TBC1D31: variants seen among roughly 807,000 people sequenced by gnomAD.
TBC1D31 encodes WD repeat domain 67.
TBC1D31 carries 99 observed loss-of-function variants against 132.9 expected under a neutral mutation model. The ratio of observed to expected loss-of-function variants is 0.74; its 90% CI spans 0.63 to 0.88. The LOEUF (loss-of-function observed/expected upper bound fraction) is 0.88, where lower values mean the gene tolerates loss of function less well. TBC1D31 is among the 40% of genes least tolerant of loss of function. TBC1D31 has a pLI of 0.00. For synonymous variants in TBC1D31, 385 were observed against 419.4 expected (o/e 0.92, Z 1.00); for missense variants, 1,134 against 1,256.6 (o/e 0.90, Z 1.48).
intron 16 of TBC1D31, among the ~76,000 whole-genome samples, chr8:123,132,521 C>T (rs914340583): frequency 7.5e-6 from 1 of 133,874 alleles, no homozygotes; most frequent in Middle Eastern, 4.1e-3. Flanking sequence ...TCAAGCAATT[C>T]TCATGCCTCA....
intron 13 of TBC1D31, 121 bp downstream of exon 13, chr8:123,126,808 C>G: frequency 1.2e-6 from 1 of 810,916 alleles, no homozygotes; most frequent in Non-Finnish European, 1.8e-6. Context: ...ATGGCGCGAT[C>G]TCAGCTCACT....
intron 8 of TBC1D31, among the ~76,000 whole-genome samples, chr8:123,106,999 G>A (rs1817991881): frequency 6.6e-6 from 1 of 152,164 alleles, no homozygotes; most frequent in Non-Finnish European, 1.5e-5. Context: ...TTGTCTACCA[G>A]GGAAATTTAT....
chr8:123,139,198 TG>T (rs1821396168), intron 17 of TBC1D31, among the ~76,000 whole-genome samples: 1 of 152,010 alleles, frequency 6.6e-6, no homozygotes, highest in Non-Finnish European at 1.5e-5. Flanking sequence ...CAACTTATGA[TG>T]GGGTTATGTC....
the TBC1D31 span, among the ~76,000 whole-genome samples, chr8:123,160,449 G>T: frequency 9.1e-6 from 1 of 109,586 alleles, no homozygotes; most frequent in Non-Finnish European, 1.9e-5. Flanking sequence ...AAGGGAAGTT[G>T]GGGAGGAGAA....
At chr8:123,146,427 C>A (rs1822217235) in intron 20 of TBC1D31, among the ~76,000 whole-genome samples, 1 of 152,134 alleles carries the variant, frequency 6.6e-6, no homozygotes, top group Non-Finnish European at 1.5e-5. Flanking sequence ...AATATATGGT[C>A]TTCTGTGTCT....
At chr8:123,095,003 G>A (rs62521772) in intron 5 of TBC1D31, among the ~76,000 whole-genome samples, 19,554 of 151,898 alleles carry the variant, frequency 0.13, 1,419 homozygotes, top group African/African-American at 0.17. Context: ...TGATATATTC[G>A]TCTTTTTTTT....
In TBC1D31 at chr8:123,121,181, C is replaced by T. The variant is rs571747280; in HGVS notation, c.1570+993C>T. Among the ~76,000 whole-genome samples, 6 of 148,556 alleles carry T rather than the reference C, an allele frequency of 4.0e-5. No individual in the cohort carries two copies. In the South Asian group the frequency reaches 1.2e-3, roughly 31 times the overall value. ...CCACATTGGCCAGGCTGGTCTCGAA[C>T]TCCTGACCCCAAGTGATCCGCCCAC... On this transcript the variant is annotated intron_variant, in intron 11 of 21. Transcript: ENST00000287380.
At chr8:123,144,379 T>C (rs1346348694) in intron 19 of TBC1D31, among the ~76,000 whole-genome samples, 1 of 152,344 alleles carries the variant, frequency 6.6e-6, no homozygotes, top group South Asian at 2.1e-4. Context: ...TTAAATAAAA[T>C]GCAATTGCCA....
At chr8:123,087,899 A>G (rs556723961) in intron 4 of TBC1D31, among the ~76,000 whole-genome samples, 1 of 152,340 alleles carries the variant, frequency 6.6e-6, no homozygotes, top group South Asian at 2.1e-4. Context: ...ATAATAAAAC[A>G]GGACCGGGTA....
At chr8:123,082,340 TG>T (rs1250911458) in intron 2 of TBC1D31, among the ~76,000 whole-genome samples, 1 of 152,024 alleles carries the variant, frequency 6.6e-6, no homozygotes, top group Non-Finnish European at 1.5e-5. Flanking sequence ...AACCTCTGCT[TG>T]GCTTCTGAAA....
intron 1 of TBC1D31, chr8:123,073,533 T>C (rs1814148971): frequency 2.7e-6 from 1 of 376,736 alleles, no homozygotes; most frequent in Non-Finnish European, 5.2e-6. Context: ...TGTTTGAGGC[T>C]CAGCCTGTCT....
intron 7 of TBC1D31, chr8:123,103,930 G>A (rs1169200692): frequency 6.6e-6 from 1 of 152,048 alleles, no homozygotes; most frequent in African/African-American, 2.4e-5. Flanking sequence ...CTACATTAAT[G>A]TTCAATTCTA....
chr8:123,087,804 A>T (rs1815917197), intron 4 of TBC1D31, among the ~76,000 whole-genome samples: 1 of 152,192 alleles, frequency 6.6e-6, no homozygotes, highest in South Asian at 2.1e-4. Context: ...GTGCCTAAGT[A>T]TATTAATGTT....
chr8:123,152,458 G>A (rs1171430330), downstream of TBC1D31, among the ~76,000 whole-genome samples: 2 of 152,078 alleles, frequency 1.3e-5, no homozygotes, highest in Non-Finnish European at 2.9e-5. Flanking sequence ...GCTTCTTCTG[G>A]CAGCACCGAC....
chr8:123,119,475 C>T (rs1819264756), intron 10 of TBC1D31, among the ~76,000 whole-genome samples: 1 of 152,182 alleles, frequency 6.6e-6, no homozygotes, highest in African/African-American at 2.4e-5. Flanking sequence ...CTTTGGGAAG[C>T]TGAGGCGGGA....
intron 2 of TBC1D31, among the ~76,000 whole-genome samples, chr8:123,079,590 T>G (rs1001512370): frequency 1.5e-5 from 2 of 136,034 alleles, no homozygotes; most frequent in South Asian, 2.2e-4. Context: ...AATTGTTGAT[T>G]GATTTCATGA....
downstream of TBC1D31, among the ~76,000 whole-genome samples, chr8:123,156,443 A>C (rs1440744220): frequency 7.2e-6 from 1 of 139,562 alleles, no homozygotes; most frequent in Non-Finnish European, 1.5e-5. Context: ...CCTGTCTCAA[A>C]AAAAAAAAAA....
In TBC1D31 at chr8:123,105,313, T is replaced by A; in HGVS notation, c.1058T>A (p.Ile353Asn). Reference sequence around the variant, plus strand: ...CCACCTCCGCCTTTAGTGAAAGTTATTGAAGATTTGCCCAAGAATAAACTG... The same window carrying A: ...CCACCTCCGCCTTTAGTGAAAGTTAATGAAGATTTGCCCAAGAATAAACTG... ...NKPPPPLVKV[I>N]EDLPKNKLSS... Residue 353 changes from isoleucine (I) to asparagine (N), a missense_variant, in exon 8 of 22, where the codon ATT becomes AAT. Physicochemically the swap from Ile to Asn is moderately radical, Grantham distance 149 (BLOSUM62 -3). Coordinates refer to ENST00000287380, the MANE Select transcript of TBC1D31 (RefSeq NM_145647.4). 1 of 1,580,762 alleles carries A rather than the reference T, an allele frequency of 6.3e-7. No homozygotes were observed. Among genetic ancestry groups the A allele is most frequent in the Non-Finnish European group, 8.6e-7 (1 of 1,162,712 alleles).
intron 14 of TBC1D31, 145 bp downstream of exon 14, chr8:123,128,658 C>T: frequency 1.6e-6 from 1 of 630,502 alleles, no homozygotes; most frequent in Non-Finnish European, 2.7e-6. Context: ...AGGTAGATCA[C>T]AAGGTCAGGA....
Sources: gnomAD v4.1 joint callset for allele counts (sites outside exome capture counted in the v4.1 genomes callset) on GRCh38, gnomAD v4.1.1 for gene constraint, MANE v1.5 for transcripts, NCBI Gene and HGNC (gene_info 2026-07-23, HGNC 2026-07-21) for gene names.